The following CAMKMT variants were observed in gnomAD, a reference collection of about 807,000 sequenced individuals.
CAMKMT encodes the protein CaM KMT.
Under a neutral mutation model 48.0 loss-of-function variants are expected in CAMKMT, and 53 were observed. The observed-to-expected ratio is 1.10, with a 90% CI of 0.89 to 1.39. The LOEUF (loss-of-function observed/expected upper bound fraction) is 1.39, where lower values mean the gene tolerates loss of function less well. Ranked by LOEUF, CAMKMT falls within the 40% of genes most tolerant of loss-of-function variation. The pLI is 0.00. For missense variants in CAMKMT, 428 were observed against 402.7 expected, an observed-to-expected ratio of 1.06 and a Z score of -0.54; for synonymous variants, 165 against 152.3, an observed-to-expected ratio of 1.08 and a Z score of -0.61.
intron 3 of CAMKMT, among the ~76,000 whole-genome samples, chr2:44,466,536 GAA>G (rs1364892434): frequency 2.0e-5 from 3 of 152,062 alleles, no homozygotes. Flanking sequence ...GTACTCAGAG[GAA>G]AGTTTATAGT....
At chr2:44,677,656 C>G (rs182052715) in intron 3 of CAMKMT, among the ~76,000 whole-genome samples, 2 of 151,610 alleles carry the variant, frequency 1.3e-5, no homozygotes, top group African/African-American at 2.4e-5. Context: ...TGCAGTGAGC[C>G]GAGATGGCAC....
At chr2:44,382,060 G>T (rs1043299263) in intron 2 of CAMKMT, among the ~76,000 whole-genome samples, 1 of 150,706 alleles carries the variant, frequency 6.6e-6, no homozygotes, top group African/African-American at 2.4e-5. Flanking sequence ...TCCTGCCTCA[G>T]CCTCCTGAGT....
Position 44,538,441 on chromosome 2 carries a change from C to A in CAMKMT, c.376+148136C>A, listed in dbSNP as rs576734248. On this transcript the variant is annotated intron_variant, in intron 3 of 10. Coordinates refer to ENST00000378494, the MANE Select transcript of CAMKMT (RefSeq NM_024766.5). The stretch of plus-strand genomic sequence containing the variant: ...ATATACACCATGGCATACTACTCAG[C>A]CATAAAAAGGAATGAAATAATGTTT... Among the ~76,000 whole-genome samples the A allele has an allele frequency of 2.6e-5, 4 of 151,504 alleles. No homozygotes were observed. The East Asian group carries it at 7.8e-4, about 29-fold the overall frequency.
intron 3 of CAMKMT, among the ~76,000 whole-genome samples, chr2:44,696,914 C>G (rs1194925152): frequency 1.3e-5 from 2 of 151,908 alleles, no homozygotes; most frequent in East Asian, 3.8e-4. Flanking sequence ...GAATGACCAT[C>G]AATAACAATA....
chr2:44,659,510 C>T (rs1175198522), intron 3 of CAMKMT, among the ~76,000 whole-genome samples: 2 of 149,372 alleles, frequency 1.3e-5, no homozygotes, highest in East Asian at 3.9e-4. Context: ...TGGGAGGATC[C>T]TCTGAGCTCA....
At chr2:44,473,100 G>A (rs1668509597) in intron 3 of CAMKMT, among the ~76,000 whole-genome samples, 1 of 152,156 alleles carries the variant, frequency 6.6e-6, no homozygotes, top group Admixed American at 6.5e-5. Context: ...TGGAAGGAAT[G>A]TTTCCATTGG....
intron 3 of CAMKMT, among the ~76,000 whole-genome samples, chr2:44,600,951 G>A (rs1352808970): frequency 6.6e-6 from 1 of 151,944 alleles, no homozygotes; most frequent in African/African-American, 2.4e-5. Context: ...AGACAATGAG[G>A]CTTCTTTGAT....
intron 3 of CAMKMT, among the ~76,000 whole-genome samples, chr2:44,452,146 T>A (rs1067397): frequency 0.75 from 113,905 of 151,814 alleles, 43,548 homozygotes; most frequent in African/African-American, 0.84. Flanking sequence ...TCAAAAGTAG[T>A]TTCTTAGCCA....
chr2:44,518,928 G>A (rs1670964776), intron 3 of CAMKMT, among the ~76,000 whole-genome samples: 1 of 152,190 alleles, frequency 6.6e-6, no homozygotes, highest in Admixed American at 6.5e-5. Context: ...TTGGAGGAAA[G>A]GCAGTCCAGT....
At chr2:44,465,236 A>G (rs1243968873) in intron 3 of CAMKMT, among the ~76,000 whole-genome samples, 3 of 152,146 alleles carry the variant, frequency 2.0e-5, no homozygotes, top group Non-Finnish European at 4.4e-5. Flanking sequence ...CATAGTAACC[A>G]CAAAGAAAAT....
chr2:44,453,984 GA>G (rs1337467025), intron 3 of CAMKMT, among the ~76,000 whole-genome samples: 2 of 151,986 alleles, frequency 1.3e-5, no homozygotes, highest in African/African-American at 4.8e-5. Context: ...GTAAGAATTA[GA>G]CAAAATACCA....
chr2:44,652,434 G>A (rs1215754133), intron 3 of CAMKMT, among the ~76,000 whole-genome samples: 2 of 152,202 alleles, frequency 1.3e-5, no homozygotes, highest in East Asian at 1.9e-4. Context: ...GGGAACACAG[G>A]TGCTGACTCT....
At chr2:44,563,637 T>C (rs939810701) in intron 3 of CAMKMT, among the ~76,000 whole-genome samples, 19 of 149,480 alleles carry the variant, frequency 1.3e-4, no homozygotes, top group African/African-American at 4.2e-4. Context: ...CCCCACCCCA[T>C]GACAGGCCCT....
chr2:44,609,812 A>G (rs181222580), intron 3 of CAMKMT, among the ~76,000 whole-genome samples: 3 of 152,292 alleles, frequency 2.0e-5, no homozygotes, highest in African/African-American at 7.2e-5. Context: ...TAGGGCTCTT[A>G]ACGCCTCCTG....
intron 3 of CAMKMT, among the ~76,000 whole-genome samples, chr2:44,606,808 A>ACCCCCC (rs11421579): frequency 7.2e-6 from 1 of 138,434 alleles, no homozygotes; most frequent in African/African-American, 2.7e-5. Flanking sequence ...TCTTAATGTG[A>ACCCCCC]CCCCCCCCCC....
chr2:44,438,637 C>T (rs1666435012), intron 3 of CAMKMT, among the ~76,000 whole-genome samples: 1 of 152,124 alleles, frequency 6.6e-6, no homozygotes, highest in Non-Finnish European at 1.5e-5. Flanking sequence ...AGTTTGATTT[C>T]TCACCATTTC....
At chr2:44,573,827 A>G (rs1669053903) in intron 3 of CAMKMT, among the ~76,000 whole-genome samples, 1 of 152,050 alleles carries the variant, frequency 6.6e-6, no homozygotes, top group Admixed American at 6.5e-5. Context: ...TTTTTTCTTC[A>G]CTGTTCTGAA....
intron 2 of CAMKMT, among the ~76,000 whole-genome samples, chr2:44,386,577 G>T (rs1163827588): frequency 6.6e-6 from 1 of 151,908 alleles, no homozygotes; most frequent in Non-Finnish European, 1.5e-5. Context: ...GTTTGTTCTT[G>T]TTTCTCTAGT....
intron 3 of CAMKMT, among the ~76,000 whole-genome samples, chr2:44,478,997 C>T (rs894411663): frequency 3.3e-5 from 5 of 152,202 alleles, no homozygotes; most frequent in African/African-American, 1.2e-4. Flanking sequence ...CCGCGCCCGG[C>T]AATTGCTTTT....
Sources: gnomAD v4.1 joint callset for allele counts (sites outside exome capture counted in the v4.1 genomes callset) on GRCh38, gnomAD v4.1.1 for gene constraint, MANE v1.5 for transcripts, NCBI Gene and HGNC (gene_info 2026-07-23, HGNC 2026-07-21) for gene names.